The following EPB41L4A variants were observed in gnomAD, a reference collection of about 807,000 sequenced individuals.
EPB41L4A encodes the protein band 4.1-like protein 4A.
EPB41L4A carries 100 observed loss-of-function variants against 108.6 expected under a neutral mutation model. That is an observed-to-expected ratio of 0.92 (90% CI 0.78 to 1.09). The LOEUF is 1.09. EPB41L4A is among the 50% of genes least tolerant of loss of function. The pLI, the probability that EPB41L4A is intolerant of heterozygous loss-of-function variation, is 0.00. For synonymous variants in EPB41L4A, 319 were observed against 289.0 expected (o/e 1.10, Z -1.05); for missense variants, 1,030 against 842.7 (o/e 1.22, Z -2.75).
At chr5:112,143,695 T>C (rs1435324741) in exon 14 of EPB41L4A, 4 of 258,400 alleles carry the variant, frequency 1.5e-5, no homozygotes, top group South Asian at 1.4e-4. Flanking sequence ...GCCAGGAACA[T>C]AGAAGCAACA....
chr5:112,359,361 C>A (rs1016208120), intron 1 of EPB41L4A, among the ~76,000 whole-genome samples: 1 of 152,176 alleles, frequency 6.6e-6, no homozygotes, highest in South Asian at 2.1e-4. Flanking sequence ...CTGAGAGAAA[C>A]TGCCTAGCCA....
At chr5:112,367,275 T>C (rs1467471477) in intron 1 of EPB41L4A, among the ~76,000 whole-genome samples, 2 of 152,232 alleles carry the variant, frequency 1.3e-5, no homozygotes, top group Non-Finnish European at 2.9e-5. Flanking sequence ...CTGCACCTCA[T>C]ATCTGCTCTT....
intron 12 of EPB41L4A, chr5:112,228,689 T>C (rs1020792673): frequency 1.0e-6 from 1 of 984,996 alleles, no homozygotes; most frequent in African/African-American, 1.7e-5. Context: ...ACGATCTCCT[T>C]TGACAGGAAT....
At chr5:112,416,744 A>G (rs1417623762) in intron 1 of EPB41L4A, among the ~76,000 whole-genome samples, 2 of 152,208 alleles carry the variant, frequency 1.3e-5, no homozygotes, top group Non-Finnish European at 2.9e-5. Flanking sequence ...GCACCATAAT[A>G]CAGGAAGGTT....
intron 1 of EPB41L4A, among the ~76,000 whole-genome samples, chr5:112,374,105 C>T (rs971832301): frequency 2.0e-5 from 3 of 152,132 alleles, no homozygotes; most frequent in Non-Finnish European, 2.9e-5. Flanking sequence ...GGAATGAGTG[C>T]TCAGTTTAGA....
At chr5:112,152,296 C>A (rs75705984) in intron 12 of EPB41L4A, among the ~76,000 whole-genome samples, 6 of 151,764 alleles carry the variant, frequency 4.0e-5, no homozygotes, top group African/African-American at 1.5e-4. Context: ...TAAAAGTGAA[C>A]CAAATATTCT....
chr5:112,179,889 T>C (rs868466468), intron 18 of EPB41L4A, among the ~76,000 whole-genome samples: 30 of 152,204 alleles, frequency 2.0e-4, no homozygotes, highest in South Asian at 6.2e-4. Context: ...ACAAATATGA[T>C]TGTAACCGCA....
At chr5:112,262,634 A>T in intron 6 of EPB41L4A, 53 bp from the exon 7 acceptor site, 1 of 1,385,622 alleles carries the variant, frequency 7.2e-7, no homozygotes, top group East Asian at 2.3e-5. Flanking sequence ...TACTGCACTT[A>T]CAGGGATGCA....
chr5:112,272,238 G>T (rs767908612), intron 4 of EPB41L4A, among the ~76,000 whole-genome samples: 18 of 148,924 alleles, frequency 1.2e-4, no homozygotes, highest in Non-Finnish European at 2.5e-4. Context: ...GGGTTCAAGC[G>T]ATTCTCCTGC....
chr5:112,221,458 A>C (rs1748042179), intron 12 of EPB41L4A, among the ~76,000 whole-genome samples: 1 of 152,240 alleles, frequency 6.6e-6, no homozygotes, highest in South Asian at 2.1e-4. Context: ...TGGACAAGTT[A>C]TTAAACTACT....
At chr5:112,342,491 C>T (rs917229369) in intron 1 of EPB41L4A, among the ~76,000 whole-genome samples, 1 of 152,174 alleles carries the variant, frequency 6.6e-6, no homozygotes, top group Non-Finnish European at 1.5e-5. Flanking sequence ...TGCAAAAGCA[C>T]CAGGCACATT....
At chr5:112,268,369 C>A (rs866795062) in intron 4 of EPB41L4A, among the ~76,000 whole-genome samples, 15 of 151,964 alleles carry the variant, frequency 9.9e-5, no homozygotes, top group Admixed American at 2.0e-4. Context: ...CAGAGCAAGA[C>A]CCTGTCTCAA....
intron 12 of EPB41L4A, among the ~76,000 whole-genome samples, chr5:112,148,015 G>T (rs1759327104): frequency 6.6e-6 from 1 of 151,464 alleles, no homozygotes; most frequent in South Asian, 2.1e-4. Flanking sequence ...CTCCAGCCTG[G>T]GTGACAGAGT....
At chr5:112,419,337 G>A (rs949466704), upstream of EPB41L4A, 1 of 333,822 alleles carries the variant, frequency 3.0e-6, no homozygotes, top group African/African-American at 2.3e-5. Flanking sequence ...CTCCGAAGGC[G>A]GGGGCGCGGG....
At chr5:112,324,735 A>C (rs1756034158) in intron 1 of EPB41L4A, among the ~76,000 whole-genome samples, 1 of 151,808 alleles carries the variant, frequency 6.6e-6, no homozygotes, top group South Asian at 2.1e-4. Context: ...AAAAAAAAAA[A>C]AAAAATTAAA....
intron 1 of EPB41L4A, among the ~76,000 whole-genome samples, chr5:112,350,176 C>T (rs1481005563): frequency 7.2e-5 from 11 of 152,252 alleles, no homozygotes; most frequent in South Asian, 2.1e-4. Context: ...TGTTTAAATA[C>T]GCATATGTGG....
intron 9 of EPB41L4A, among the ~76,000 whole-genome samples, chr5:112,252,873 T>C (rs1420062813): frequency 6.6e-6 from 1 of 151,858 alleles, no homozygotes; most frequent in African/African-American, 2.4e-5. Flanking sequence ...AATAGGTATG[T>C]AATGTATTTT....
chr5:112,327,090 C>T (rs764716791), intron 1 of EPB41L4A, among the ~76,000 whole-genome samples: 5 of 152,130 alleles, frequency 3.3e-5, no homozygotes, highest in Admixed American at 1.3e-4. Flanking sequence ...GAAAACAAGG[C>T]TGAGAAAACT....
chr5:112,209,744 T>C (rs1762641075), intron 13 of EPB41L4A, 148 bp downstream of exon 13: 1 of 482,576 alleles, frequency 2.1e-6, no homozygotes, highest in Non-Finnish European at 3.6e-6. Flanking sequence ...TGTTTTAATG[T>C]ATTATTTGGC....
Sources: gnomAD v4.1 joint callset for allele counts (sites outside exome capture counted in the v4.1 genomes callset) on GRCh38, gnomAD v4.1.1 for gene constraint, MANE v1.5 for transcripts, NCBI Gene and HGNC (gene_info 2026-07-23, HGNC 2026-07-21) for gene names.